Variants in SAMMSON observed in about 807,000 individuals in gnomAD.
The protein encoded by SAMMSON is survival associated mitochondrial melanoma specific oncogenic non-coding RNA.
At chr3:70,204,319 T>G (rs1020709452) in intron 4 of SAMMSON, among the ~76,000 whole-genome samples, 4 of 152,168 alleles carry the variant, frequency 2.6e-5, no homozygotes, top group African/African-American at 9.6e-5. Context: ...GCTCTCAATT[T>G]CTGCATCCTT....
At chr3:70,206,748 A>G (rs911425227) in intron 4 of SAMMSON, 2 of 397,714 alleles carry the variant, frequency 5.0e-6, no homozygotes, top group African/African-American at 4.1e-5. Context: ...AATAGCATTA[A>G]TGGGTTTCTC....
intron 4 of SAMMSON, among the ~76,000 whole-genome samples, chr3:70,237,543 C>T (rs147566746): frequency 2.0e-5 from 3 of 152,314 alleles, no homozygotes; most frequent in Non-Finnish European, 4.4e-5. Flanking sequence ...TGTCTTACAC[C>T]TCTTACTCTT....
At chr3:70,332,342 G>A (rs1702627108) in intron 7 of SAMMSON, among the ~76,000 whole-genome samples, 1 of 152,118 alleles carries the variant, frequency 6.6e-6, no homozygotes, top group Admixed American at 6.5e-5. Context: ...CGCTCCTGGT[G>A]TTCCAGGCTA....
At chr3:70,337,751 A>G (rs770893663) in intron 7 of SAMMSON, among the ~76,000 whole-genome samples, 3 of 151,934 alleles carry the variant, frequency 2.0e-5, no homozygotes, top group Non-Finnish European at 4.4e-5. Flanking sequence ...TCCACTACTC[A>G]TGTACTCCAA....
intron 3 of SAMMSON, among the ~76,000 whole-genome samples, chr3:70,040,047 T>C (rs2067100658): frequency 6.6e-6 from 1 of 152,024 alleles, no homozygotes; most frequent in Non-Finnish European, 1.5e-5. Flanking sequence ...TTCAACTTTT[T>C]GGGCTTTAAA....
chr3:70,168,273 T>C (rs1284244367), intron 4 of SAMMSON, among the ~76,000 whole-genome samples: 8 of 151,936 alleles, frequency 5.3e-5, no homozygotes, highest in African/African-American at 9.7e-5. Flanking sequence ...CTTGAATGAC[T>C]GTGTAGTTGG....
At chr3:70,189,720 T>A (rs1261407393) in intron 4 of SAMMSON, among the ~76,000 whole-genome samples, 2 of 152,210 alleles carry the variant, frequency 1.3e-5, no homozygotes, top group African/African-American at 4.8e-5. Context: ...TTGACTTTAA[T>A]ACACCATGAT....
intron 6 of SAMMSON, among the ~76,000 whole-genome samples, chr3:70,288,970 G>T (rs1464366028): frequency 2.6e-5 from 4 of 152,014 alleles, no homozygotes; most frequent in Admixed American, 6.6e-5. Flanking sequence ...CGTGAGATGG[G>T]TTTCCTGAAT....
intron 4 of SAMMSON, among the ~76,000 whole-genome samples, chr3:70,240,582 T>A (rs576002658): frequency 6.6e-6 from 1 of 152,330 alleles, no homozygotes; most frequent in South Asian, 2.1e-4. Flanking sequence ...CACCAGACTG[T>A]CTGAAATAAT....
chr3:70,179,758 C>T (rs898252341), intron 4 of SAMMSON, among the ~76,000 whole-genome samples: 2 of 151,992 alleles, frequency 1.3e-5, no homozygotes, highest in Non-Finnish European at 1.5e-5. Flanking sequence ...ATTGGAATAT[C>T]CTCTGTTCTA....
At chr3:70,300,633 A>C (rs1322218331) in intron 7 of SAMMSON, among the ~76,000 whole-genome samples, 2 of 152,094 alleles carry the variant, frequency 1.3e-5, no homozygotes, top group Admixed American at 1.3e-4. Context: ...AAAAAGAACT[A>C]GTTATTTCTC....
intron 4 of SAMMSON, chr3:70,126,060 G>T: frequency 9.4e-7 from 1 of 1,059,000 alleles, no homozygotes; most frequent in Non-Finnish European, 1.4e-6. Flanking sequence ...TAAGATGAAG[G>T]ACCTGTACAT....
intron 8 of SAMMSON, among the ~76,000 whole-genome samples, chr3:70,355,762 A>C (rs1312064286): frequency 6.6e-6 from 1 of 152,132 alleles, no homozygotes; most frequent in African/African-American, 2.4e-5. Context: ...TCCACTGAAC[A>C]CTCAGCATAA....
chr3:70,385,784 G>C (rs571971804), intron 9 of SAMMSON, among the ~76,000 whole-genome samples: 1 of 152,142 alleles, frequency 6.6e-6, no homozygotes, highest in South Asian at 2.1e-4. Context: ...TTTATTTTAA[G>C]CTCCTAAAGT....
intron 4 of SAMMSON, among the ~76,000 whole-genome samples, chr3:70,117,752 G>T (rs1259755376): frequency 6.6e-6 from 1 of 151,866 alleles, no homozygotes; most frequent in Non-Finnish European, 1.5e-5. Context: ...ATACCTGCTT[G>T]GTCCACAGTG....
At chr3:70,043,727 C>G (rs2067114089) in intron 3 of SAMMSON, among the ~76,000 whole-genome samples, 1 of 152,036 alleles carries the variant, frequency 6.6e-6, no homozygotes, top group Admixed American at 6.6e-5. Flanking sequence ...AGACTTCAGT[C>G]TTTTGTGTTG....
intron 4 of SAMMSON, among the ~76,000 whole-genome samples, chr3:70,107,473 T>C (rs997178307): frequency 6.6e-6 from 1 of 152,086 alleles, no homozygotes; most frequent in African/African-American, 2.4e-5. Context: ...GAAAGGAAAG[T>C]TGGGATTATA....
Position 70,230,514 on chromosome 3 carries a change from A to C in SAMMSON, n.508-18593A>C, listed in dbSNP as rs578217867. Among the ~76,000 whole-genome samples, 575 of 152,142 alleles carry C rather than the reference A, an allele frequency of 3.8e-3. 2 individuals are homozygous for C. The highest frequency in any genetic ancestry group is 0.013 in the African/African-American group (531 of 41,512). ...CGAGATGAATCATATATATATATATACAGTTTTGCAATCCTAGCCTAATAG... is the reference window on the plus strand; with the variant it reads ...CGAGATGAATCATATATATATATATCCAGTTTTGCAATCCTAGCCTAATAG... On this transcript the variant is annotated intron_variant and non_coding_transcript_variant, in intron 4 of 9. Coordinates refer to ENST00000642114, the Ensembl canonical transcript of SAMMSON.
chr3:70,310,154 G>GA (rs1201553719), intron 7 of SAMMSON, among the ~76,000 whole-genome samples: 1 of 151,828 alleles, frequency 6.6e-6, no homozygotes, highest in Non-Finnish European at 1.5e-5. Flanking sequence ...CTATTTAAAA[G>GA]ACCTTTTCAA....
Sources: gnomAD v4.1 joint callset for allele counts (sites outside exome capture counted in the v4.1 genomes callset) on GRCh38, gnomAD v4.1.1 for gene constraint, MANE v1.5 for transcripts, NCBI Gene and HGNC (gene_info 2026-07-23, HGNC 2026-07-21) for gene names.